Variants in GPC5 observed in about 807,000 individuals in gnomAD.
GPC5 encodes glypican-5.
Under a neutral mutation model 53.9 loss-of-function variants are expected in GPC5, and 47 were observed. The observed-to-expected ratio is 0.87, with a 90% CI of 0.69 to 1.11. GPC5 has a LOEUF of 1.11. Ranked by LOEUF, GPC5 falls within the 50% of genes most tolerant of loss-of-function variation. The pLI, the probability that GPC5 is intolerant of heterozygous loss-of-function variation, is 0.00. For synonymous variants in GPC5, 286 were observed against 263.3 expected, an observed-to-expected ratio of 1.09 and a Z score of -0.84; for missense variants, 748 against 713.1, an observed-to-expected ratio of 1.05 and a Z score of -0.56.
At chr13:92,164,706 G>A (rs558489330) in intron 7 of GPC5, among the ~76,000 whole-genome samples, 29 of 152,280 alleles carry the variant, frequency 1.9e-4, no homozygotes, top group Admixed American at 1.8e-3. Context: ...ACTAGATAGT[G>A]CCCCAGTGGG....
chr13:91,511,681 A>G (rs1301853165), intron 2 of GPC5, among the ~76,000 whole-genome samples: 3 of 151,518 alleles, frequency 2.0e-5, no homozygotes, highest in African/African-American at 7.3e-5. Context: ...TTCTGATCAC[A>G]TATTTTCCAT....
intron 6 of GPC5, among the ~76,000 whole-genome samples, chr13:91,959,710 A>G (rs1337277443): frequency 7.0e-6 from 1 of 143,462 alleles, no homozygotes; most frequent in Non-Finnish European, 1.5e-5. Flanking sequence ...TTCAAATAAT[A>G]TAACATAAGA....
At chr13:92,613,394 A>AT (rs1884528265) in intron 7 of GPC5, among the ~76,000 whole-genome samples, 1 of 64,752 alleles carries the variant, frequency 1.5e-5, no homozygotes, top group African/African-American at 4.6e-5. Context: ...ATTATATATA[A>AT]ATATATATTA....
intron 7 of GPC5, among the ~76,000 whole-genome samples, chr13:92,544,927 T>G (rs1882050457): frequency 6.6e-6 from 1 of 152,044 alleles, no homozygotes; most frequent in Admixed American, 6.6e-5. Context: ...TTTTTTATTT[T>G]TTTTATTATA....
At chr13:92,010,278 A>G (rs1424315123) in intron 6 of GPC5, among the ~76,000 whole-genome samples, 1 of 152,118 alleles carries the variant, frequency 6.6e-6, no homozygotes, top group Non-Finnish European at 1.5e-5. Context: ...CCCAGCCTCA[A>G]AGTAAAGTAT....
At chr13:92,127,165 A>G (rs1244160486) in intron 6 of GPC5, among the ~76,000 whole-genome samples, 1 of 152,112 alleles carries the variant, frequency 6.6e-6, no homozygotes, top group Non-Finnish European at 1.5e-5. Flanking sequence ...CCAGTGTGTT[A>G]CTGAACACTT....
chr13:91,931,715 C>T (rs758172856), intron 6 of GPC5, among the ~76,000 whole-genome samples: 24 of 152,078 alleles, frequency 1.6e-4, no homozygotes, highest in Admixed American at 5.9e-4. Flanking sequence ...GTACTGGAAG[C>T]GGAAAAAGGG....
At chr13:92,155,420 T>C (rs778764139) in intron 7 of GPC5, among the ~76,000 whole-genome samples, 20 of 152,190 alleles carry the variant, frequency 1.3e-4, no homozygotes, top group Non-Finnish European at 2.8e-4. Flanking sequence ...AGAATGTATT[T>C]TGTGTTGGTA....
chr13:91,478,822 T>TATATATATATATATATATATACAC (rs1323023652), intron 2 of GPC5, among the ~76,000 whole-genome samples: 2 of 92,164 alleles, frequency 2.2e-5, no homozygotes, highest in African/African-American at 1.0e-4. Flanking sequence ...TATATATATA[T>TATATATATATATATATATATACAC]ACACACACAC....
intron 6 of GPC5, among the ~76,000 whole-genome samples, chr13:91,956,160 T>A (rs547833542): frequency 3.3e-5 from 5 of 150,134 alleles, no homozygotes; most frequent in African/African-American, 1.2e-4. Context: ...CCCAGTTCAG[T>A]TTTCTCCCCC....
chr13:92,337,688 A>G (rs9589508), intron 7 of GPC5, among the ~76,000 whole-genome samples: 38,577 of 152,098 alleles, frequency 0.25, 5,069 homozygotes, highest in South Asian at 0.38. Flanking sequence ...CAAAGGAGCA[A>G]AGGAAATGCG....
Position 92,529,382 on chromosome 13 carries a change from C to T in GPC5, c.1562-336900C>T, listed in dbSNP as rs190717172. ...CAAAGCAAACAAATGAACTCCAATACCAAGATACACAAAAAGATATTATGG... is the reference window on the plus strand; with the variant it reads ...CAAAGCAAACAAATGAACTCCAATATCAAGATACACAAAAAGATATTATGG... On this transcript the variant is annotated intron_variant, in intron 7 of 7. Transcript: ENST00000377067. Among the ~76,000 whole-genome samples the T allele has an allele frequency of 8.5e-3, 1,295 of 152,120 alleles. 13 individuals are homozygous for T. Among genetic ancestry groups the T allele is most frequent in the Non-Finnish European group, 0.012 (809 of 67,992 alleles).
intron 7 of GPC5, among the ~76,000 whole-genome samples, chr13:92,497,371 C>G (rs559879815): frequency 6.6e-6 from 1 of 152,240 alleles, no homozygotes; most frequent in South Asian, 2.1e-4. Flanking sequence ...ATCCTTCCCC[C>G]ATTGCTTGTT....
intron 7 of GPC5, among the ~76,000 whole-genome samples, chr13:92,714,009 G>A (rs7990219): frequency 6.6e-6 from 1 of 152,116 alleles, no homozygotes; most frequent in Non-Finnish European, 1.5e-5. Context: ...AATGACTTCT[G>A]TCTTCCCAGT....
At chr13:92,613,942 G>A (rs573712301) in intron 7 of GPC5, among the ~76,000 whole-genome samples, 4 of 152,020 alleles carry the variant, frequency 2.6e-5, no homozygotes, top group African/African-American at 7.2e-5. Flanking sequence ...ATATATGTCA[G>A]ATTTGGAAAG....
At chr13:92,708,981 C>G (rs1046264086) in intron 7 of GPC5, among the ~76,000 whole-genome samples, 2 of 139,224 alleles carry the variant, frequency 1.4e-5, no homozygotes, top group Admixed American at 7.8e-5. Flanking sequence ...CTACCACATT[C>G]AAGTGATTCT....
At chr13:91,543,286 C>CGAGAGG (rs2030072463) in intron 2 of GPC5, among the ~76,000 whole-genome samples, 2 of 152,138 alleles carry the variant, frequency 1.3e-5, no homozygotes, top group Non-Finnish European at 2.9e-5. Flanking sequence ...AGCCACCGCT[C>CGAGAGG]CGGCCCCCAA....
At chr13:92,328,572 C>T (rs1188693821) in intron 7 of GPC5, among the ~76,000 whole-genome samples, 3 of 151,996 alleles carry the variant, frequency 2.0e-5, no homozygotes, top group East Asian at 1.9e-4. Flanking sequence ...AGTTCATTGT[C>T]GAAATGACAC....
intron 6 of GPC5, among the ~76,000 whole-genome samples, chr13:92,111,350 T>C (rs562004681): frequency 2.0e-5 from 3 of 152,206 alleles, no homozygotes; most frequent in African/African-American, 7.2e-5. Context: ...AGAATTTGGG[T>C]CACATCTCTT....
Sources: allele counts gnomAD v4.1 joint callset (sites outside exome capture counted in the v4.1 genomes callset), GRCh38; gene constraint gnomAD v4.1.1; transcripts MANE v1.5; gene names NCBI Gene and HGNC (gene_info 2026-07-23, HGNC 2026-07-21).